PHTF2: variants seen among roughly 807,000 people sequenced by gnomAD.
PHTF2 encodes the protein protein PHTF2.
PHTF2 carries 60 observed loss-of-function variants against 101.2 expected under a neutral mutation model. The observed-to-expected ratio is 0.59, with a 90% confidence interval of 0.48 to 0.73. The LOEUF is 0.73. Ranked by LOEUF, PHTF2 falls within the 30% of genes least tolerant of loss-of-function variation. PHTF2 has a pLI of 0.00. For synonymous variants in PHTF2, 311 were observed against 307.3 expected, an observed-to-expected ratio of 1.01 and a Z score of -0.13; for missense variants, 747 against 908.7, an observed-to-expected ratio of 0.82 and a Z score of 2.29.
At chr7:77,951,474 A>G (rs1440718537) in intron 17 of PHTF2, 143 bp from the exon 17 acceptor site, 1 of 378,288 alleles carries the variant, frequency 2.6e-6, no homozygotes. Context: ...TAAAATAAGT[A>G]TAGGAAATTT....
chr7:77,887,062 A>G (rs1374173576), intron 3 of PHTF2, among the ~76,000 whole-genome samples: 1 of 148,350 alleles, frequency 6.7e-6, no homozygotes, highest in Non-Finnish European at 1.5e-5. Context: ...AAAAAAAAAA[A>G]GTGATACAGT....
chr7:77,852,579 C>A (rs549471943), intron 2 of PHTF2, among the ~76,000 whole-genome samples: 1 of 152,114 alleles, frequency 6.6e-6, no homozygotes, highest in Non-Finnish European at 1.5e-5. Flanking sequence ...AGTTTTAATA[C>A]GTTCATCTTT....
intron 3 of PHTF2, among the ~76,000 whole-genome samples, chr7:77,862,667 A>C (rs1041910447): frequency 6.6e-6 from 1 of 152,206 alleles, no homozygotes; most frequent in Non-Finnish European, 1.5e-5. Context: ...CTTACTGGAA[A>C]ACTAGCCTGG....
chr7:77,814,520 T>C (rs1391585839), intron 1 of PHTF2, among the ~76,000 whole-genome samples: 2 of 151,266 alleles, frequency 1.3e-5, no homozygotes, highest in Non-Finnish European at 3.0e-5. Flanking sequence ...GGCATTTTTT[T>C]TTTTTTTTTT....
chr7:77,826,859 C>T (rs976052485), intron 1 of PHTF2, among the ~76,000 whole-genome samples: 4 of 152,156 alleles, frequency 2.6e-5, no homozygotes, highest in African/African-American at 7.2e-5. Context: ...ATATAGCACT[C>T]CTTTCTTGAA....
In PHTF2 at chr7:77,805,440, T is replaced by G. The variant is rs577315241; in HGVS notation, c.-36+6469T>G. Among the ~76,000 whole-genome samples, 316 of 152,376 alleles carry G rather than the reference T, an allele frequency of 2.1e-3. 2 individuals carry two copies. Among genetic ancestry groups the G allele is most frequent in the South Asian group, 0.013 (63 of 4,832 alleles). ...TCGTCTTTATTATTTTTGTTTCTAC[T>G]GTTTATTTTGCATTTTATTTGCTCT... On this transcript the variant is annotated intron_variant, in intron 1 of 19. Transcript: ENST00000416283.
intron 3 of PHTF2, among the ~76,000 whole-genome samples, chr7:77,869,385 G>T (rs1798338390): frequency 6.6e-6 from 1 of 151,860 alleles, no homozygotes; most frequent in African/African-American, 2.4e-5. Flanking sequence ...TGTGTGTTTT[G>T]CACCCATTAA....
chr7:77,861,119 T>C (rs1354604153), intron 3 of PHTF2, among the ~76,000 whole-genome samples: 1 of 152,160 alleles, frequency 6.6e-6, no homozygotes, highest in Admixed American at 6.5e-5. Flanking sequence ...TTAATTGCTC[T>C]CTCCCTTATT....
At chr7:77,929,186 A>T (rs1804336276) in exon 12 of PHTF2, 1 of 1,613,808 alleles carries the variant, frequency 6.2e-7, no homozygotes, top group African/African-American at 1.3e-5. Context: ...CAAGGCCAGA[A>T]TCTGAAACAG....
chr7:77,849,489 A>G lies in PHTF2; in HGVS notation c.46-5244A>G, dbSNP rs1490685055. On this transcript the variant is annotated intron_variant, in intron 2 of 19. Transcript: ENST00000416283. ...CTGTAGTATAATTTGAAGTCATGCA[A>G]TGTGATTCCTCCAGTTTTGTTGTTT... is the stretch of plus-strand genomic sequence containing the variant. Among the ~76,000 whole-genome samples the G allele has an allele frequency of 2.0e-5, 3 of 152,178 alleles. No individual in the cohort carries two copies. The East Asian group carries it at 5.8e-4, about 29-fold the overall frequency.
At chr7:77,922,490 G>C (rs1803567555) in intron 10 of PHTF2, 133 bp from the exon 10 acceptor site, 2 of 548,070 alleles carry the variant, frequency 3.6e-6, no homozygotes, top group Admixed American at 7.2e-5. Context: ...ATACTAATTA[G>C]TTACTTTGTG....
intron 12 of PHTF2, among the ~76,000 whole-genome samples, chr7:77,937,453 A>G (rs969244765): frequency 2.0e-5 from 3 of 152,178 alleles, no homozygotes; most frequent in South Asian, 2.1e-4. Flanking sequence ...GTAACTTCTT[A>G]TGATATCTGT....
intron 9 of PHTF2, among the ~76,000 whole-genome samples, chr7:77,917,771 G>A (rs1376972853): frequency 6.6e-6 from 1 of 152,176 alleles, no homozygotes; most frequent in East Asian, 1.9e-4. Context: ...ATTCTTGCAA[G>A]TGCTTTCATT....
chr7:77,910,104 T>G lies in PHTF2; in HGVS notation c.612-141T>G, dbSNP rs568537820. The G allele has an allele frequency of 2.1e-5, 13 of 620,936 alleles. No homozygotes were observed. The South Asian group carries it at 3.2e-4, about 15-fold the overall frequency. The allele number at this position is 620,936 out of a possible 1,614,324, so 38.5% of individuals were successfully genotyped here. A position where few individuals can be genotyped will look rare whatever the true frequency, so the allele number is the denominator to read the frequency against. ...TATGCATCATGATATTTGGATTAAA[T>G]TTTATCTAGTAAATCTAAATTTTAT... On this transcript the variant is annotated intron_variant, in intron 8 of 19. Transcript: ENST00000416283.
At chr7:77,886,098 A>T (rs184029401) in intron 3 of PHTF2, among the ~76,000 whole-genome samples, 104 of 152,224 alleles carry the variant, frequency 6.8e-4, no homozygotes, top group African/African-American at 2.3e-3. Context: ...AGAATTCTTA[A>T]TCTTTTATCT....
At chr7:77,858,879 A>G (rs909133909) in intron 3 of PHTF2, among the ~76,000 whole-genome samples, 12 of 152,202 alleles carry the variant, frequency 7.9e-5, no homozygotes, top group Non-Finnish European at 4.4e-5. Context: ...TATGTCTTTC[A>G]TAACAAATGA....
chr7:77,924,873 A>G (rs180983273), intron 11 of PHTF2, among the ~76,000 whole-genome samples: 89 of 152,244 alleles, frequency 5.8e-4, no homozygotes, highest in Admixed American at 2.6e-3. Flanking sequence ...GTAGACTTTC[A>G]TTTAATCCCC....
chr7:77,923,061 T>C lies in PHTF2; in HGVS notation c.1119+283T>C, dbSNP rs1007707967. 2.5e-5 allele frequency: 27 copies of C among 1,077,566 alleles called. No homozygotes were observed. In the African/African-American group the frequency reaches 4.5e-4, roughly 18 times the overall value. The allele number at this position is 1,077,566 out of a possible 1,614,324, so 66.8% of individuals were successfully genotyped here. A position where few individuals can be genotyped will look rare whatever the true frequency, so the allele number is the denominator to read the frequency against. On this transcript the variant is annotated intron_variant, in intron 11 of 19. Coordinates refer to ENST00000416283, the Ensembl canonical transcript of PHTF2. ...AAAGAAGAACATTCTGGAGAGAGAATCTGCAAACTCCTGTGTTCACTTTTT... is the reference window on the plus strand; with the variant it reads ...AAAGAAGAACATTCTGGAGAGAGAACCTGCAAACTCCTGTGTTCACTTTTT...
chr7:77,924,116 G>A, intron 11 of PHTF2: 1 of 955,414 alleles, frequency 1.0e-6, no homozygotes. Context: ...TCTTAAACCA[G>A]CTTTAAAGGG....
Sources: gnomAD v4.1 joint callset for allele counts (sites outside exome capture counted in the v4.1 genomes callset) on GRCh38, gnomAD v4.1.1 for gene constraint, MANE v1.5 for transcripts, NCBI Gene and HGNC (gene_info 2026-07-23, HGNC 2026-07-21) for gene names.